The following HNRNPF variants were observed in gnomAD, a reference collection of about 807,000 sequenced individuals.
HNRNPF encodes the protein heterogeneous nuclear ribonucleoprotein F.
A neutral mutation model predicts 26.0 loss-of-function variants in HNRNPF; 2 were observed. That is an observed-to-expected ratio of 0.08 (90% CI 0.03 to 0.24). The LOEUF (loss-of-function observed/expected upper bound fraction) is 0.24, where lower values mean the gene tolerates loss of function less well. HNRNPF is among the 10% of genes least tolerant of loss of function. The pLI is 1.00. For missense variants in HNRNPF, 299 were observed against 539.2 expected (o/e 0.55, Z 4.41); for synonymous variants, 234 against 211.5 (o/e 1.11, Z -0.92).
At chr10:43,398,289 A>T (rs1343360348) in intron 1 of HNRNPF, among the ~76,000 whole-genome samples, 1 of 149,208 alleles carries the variant, frequency 6.7e-6, no homozygotes, top group Non-Finnish European at 1.5e-5. Flanking sequence ...CTCCCAAAGT[A>T]CTGGGATTAT....
At position 43,386,500 on chromosome 10, in the gene HNRNPF, G is replaced by A. The variant is rs572777763; in HGVS notation, c.*137C>T. On this transcript the variant is annotated 3_prime_UTR_variant, in exon 4 of 4. Coordinates refer to ENST00000682386, the MANE Select transcript of HNRNPF (RefSeq NM_001098204.2). ...ATTTTGCATGAGAAAACACTGAAGA[G>A]GTAATTTTTTAATCCAGATTTTTCA... is the stretch of plus-strand genomic sequence containing the variant. The A allele has an allele frequency of 2.0e-5, 16 of 790,192 alleles. No individual in the cohort carries two copies. The African/African-American group carries it at 2.4e-4, about 12-fold the overall frequency. 48.9% of individuals were successfully genotyped at this position (790,192 alleles called of 1,614,324 possible).
At chr10:43,399,493 CTGAGATCA>C (rs1397535251) in intron 1 of HNRNPF, among the ~76,000 whole-genome samples, 1 of 152,138 alleles carries the variant, frequency 6.6e-6, no homozygotes, top group Non-Finnish European at 1.5e-5. Flanking sequence ...GCAGCTAGGT[CTGAGATCA>C]ATGGTAGGAG....
intron 3 of HNRNPF, among the ~76,000 whole-genome samples, chr10:43,393,773 G>C (rs890094783): frequency 1.4e-4 from 21 of 152,050 alleles, no homozygotes; most frequent in African/African-American, 5.1e-4. Flanking sequence ...TGCAACTTTT[G>C]CCTGCAACAC....
chr10:43,391,693 G>A lies in HNRNPF; in HGVS notation c.-53+2937C>T, dbSNP rs538445055. 9.2e-5 allele frequency among the ~76,000 whole-genome samples: 14 copies of A among 152,228 alleles called. No homozygotes were observed. In the South Asian group the frequency reaches 2.9e-3, roughly 32 times the overall value. On this transcript the variant is annotated intron_variant, in intron 3 of 3. Coordinates refer to ENST00000682386, the MANE Select transcript of HNRNPF (RefSeq NM_001098204.2). Reference sequence around the variant, plus strand: ...CCAGGAGTTTGTAAGCACGTAGTGGGCCCCTTACAGCGGACATCGTGAACA... The same window carrying A: ...CCAGGAGTTTGTAAGCACGTAGTGGACCCCTTACAGCGGACATCGTGAACA...
At chr10:43,390,390 A>G (rs1031883091) in intron 3 of HNRNPF, among the ~76,000 whole-genome samples, 44 of 152,144 alleles carry the variant, frequency 2.9e-4, no homozygotes, top group African/African-American at 1.1e-3. Flanking sequence ...TCCTAGCCTT[A>G]GGTCCAGCCA....
At chr10:43,398,885 C>A (rs1231385487) in intron 1 of HNRNPF, among the ~76,000 whole-genome samples, 1 of 152,098 alleles carries the variant, frequency 6.6e-6, no homozygotes, top group African/African-American at 2.4e-5. Context: ...ACACGAATTA[C>A]AGGGAACAGT....
At chr10:43,399,167 C>T (rs1838670903) in intron 1 of HNRNPF, among the ~76,000 whole-genome samples, 1 of 152,138 alleles carries the variant, frequency 6.6e-6, no homozygotes, top group African/African-American at 2.4e-5. Flanking sequence ...TTAGCCTCAA[C>T]CTCCTGGGCT....
chr10:43,398,533 G>A (rs1385087234), intron 1 of HNRNPF, among the ~76,000 whole-genome samples: 1 of 151,394 alleles, frequency 6.6e-6, no homozygotes, highest in African/African-American at 2.4e-5. Flanking sequence ...AGTAGAGACA[G>A]GGTTTCACCA....
intron 1 of HNRNPF, among the ~76,000 whole-genome samples, chr10:43,402,116 T>A (rs1335252888): frequency 5.3e-5 from 8 of 151,906 alleles, no homozygotes; most frequent in Non-Finnish European, 1.2e-4. Flanking sequence ...ACCACTCCAT[T>A]ACAAAACTTA....
chr10:43,393,035 A>G (rs1440295750), intron 3 of HNRNPF, among the ~76,000 whole-genome samples: 2 of 151,494 alleles, frequency 1.3e-5, no homozygotes, highest in African/African-American at 2.4e-5. Flanking sequence ...AATCAACTCA[A>G]CTCCCTTGGG....
chr10:43,392,584 A>G (rs1018026445), intron 3 of HNRNPF, among the ~76,000 whole-genome samples: 1 of 152,348 alleles, frequency 6.6e-6, no homozygotes, highest in Middle Eastern at 3.4e-3. Context: ...ACAGATCTCC[A>G]TGGCAAGAAA....
chr10:43,400,891 G>A (rs1400803586), intron 1 of HNRNPF, among the ~76,000 whole-genome samples: 5 of 151,828 alleles, frequency 3.3e-5, no homozygotes, highest in Non-Finnish European at 7.4e-5. Context: ...AGGTCAGGAG[G>A]GCTAATACGG....
chr10:43,405,467 T>C (rs1838883996), intron 1 of HNRNPF, among the ~76,000 whole-genome samples: 1 of 151,802 alleles, frequency 6.6e-6, no homozygotes, highest in Admixed American at 6.6e-5. Context: ...CCATCCCTGC[T>C]AACATGATGA....
intron 3 of HNRNPF, among the ~76,000 whole-genome samples, chr10:43,390,299 G>C (rs1037548410): frequency 2.0e-5 from 3 of 151,936 alleles, no homozygotes; most frequent in African/African-American, 7.2e-5. Context: ...GCTAGGCACC[G>C]CCTGTCCTTT....
chr10:43,392,393 G>A (rs1466385575), intron 3 of HNRNPF, among the ~76,000 whole-genome samples: 3 of 152,130 alleles, frequency 2.0e-5, no homozygotes, highest in Admixed American at 2.0e-4. Flanking sequence ...ACAAAAATTA[G>A]CCAGGCGTCG....
intron 1 of HNRNPF, chr10:43,408,638 A>AC (rs1159530176): frequency 6.8e-6 from 1 of 147,234 alleles, no homozygotes; most frequent in Non-Finnish European, 1.5e-5. Flanking sequence ...CTCAAATCCC[A>AC]CCCCCCGTCC....
At position 43,386,967 on chromosome 10, in the gene HNRNPF, G is replaced by A. The variant is rs1252494080; in HGVS notation, c.918C>T (p.Tyr306=). The A allele has an allele frequency of 1.2e-6, 2 of 1,614,162 alleles. No individual in the cohort carries two copies. Among genetic ancestry groups the A allele is most frequent in the Non-Finnish European group, 8.5e-7 (1 of 1,180,026 alleles). ...CAGGGTTGAGAGGAGAGAAGAAGTT[G>A]TAAATGTCGTTCTCGGTCGCTTTGT... ...LPYKATENDI[Y]NFFSPLNPVR... Residue 306 remains tyrosine, a synonymous_variant, in exon 4 of 4, where the codon TAC becomes TAT. Coordinates refer to ENST00000682386, the MANE Select transcript of HNRNPF (RefSeq NM_001098204.2).
At chr10:43,394,290 T>A (rs1317618622) in intron 3 of HNRNPF, among the ~76,000 whole-genome samples, 1 of 152,224 alleles carries the variant, frequency 6.6e-6, no homozygotes, top group African/African-American at 2.4e-5. Flanking sequence ...AAATGCCTAA[T>A]CTTTTACATG....
chr10:43,404,299 T>TC (rs1554790694), intron 1 of HNRNPF, among the ~76,000 whole-genome samples: 5 of 56,124 alleles, frequency 8.9e-5, no homozygotes, highest in African/African-American at 2.5e-4. Context: ...AGAATCCGTC[T>TC]ATAAAAAAAA....
Sources: gnomAD v4.1 joint callset for allele counts (sites outside exome capture counted in the v4.1 genomes callset) on GRCh38, gnomAD v4.1.1 for gene constraint, MANE v1.5 for transcripts, NCBI Gene and HGNC (gene_info 2026-07-23, HGNC 2026-07-21) for gene names.